NFATC2: variants seen among roughly 807,000 people sequenced by gnomAD.
NFATC2 encodes nuclear factor of activated T cells 2.
NFATC2 carries 22 observed loss-of-function variants against 87.3 expected under a neutral mutation model. That is an observed-to-expected ratio of 0.25 (90% CI 0.18 to 0.36). The LOEUF is 0.36. Ranked by LOEUF, NFATC2 falls within the 10% of genes least tolerant of loss-of-function variation. The pLI is 1.00. For missense variants in NFATC2, 1,149 were observed against 1,259.1 expected, an observed-to-expected ratio of 0.91 and a Z score of 1.32; for synonymous variants, 565 against 542.2, an observed-to-expected ratio of 1.04 and a Z score of -0.58.
At chr20:51,499,336 C>T (rs61325248) in intron 3 of NFATC2, among the ~76,000 whole-genome samples, 2,265 of 152,184 alleles carry the variant, frequency 0.015, 59 homozygotes, top group African/African-American at 0.052. Context: ...GGTTGAGCAC[C>T]CTACCCCGAG....
Position 51,393,192 on chromosome 20 carries a change from G to A in NFATC2, c.*45-1741C>T, listed in dbSNP as rs560198112. Reference sequence around the variant, plus strand: ...GCCACAAGCATGTACATGAGAGGTCGGATTCTGGAGCCAGCGGGGTTAGAT... The same window carrying A: ...GCCACAAGCATGTACATGAGAGGTCAGATTCTGGAGCCAGCGGGGTTAGAT... On this transcript the variant is annotated intron_variant, in intron 10 of 10. Transcript: ENST00000371564. Among the ~76,000 whole-genome samples the A allele has an allele frequency of 6.6e-5, 10 of 152,274 alleles. No homozygotes were observed. The South Asian group carries it at 8.3e-4, about 13-fold the overall frequency.
intron 5 of NFATC2, among the ~76,000 whole-genome samples, chr20:51,468,905 T>C (rs534113361): frequency 6.6e-6 from 1 of 152,248 alleles, no homozygotes; most frequent in South Asian, 2.1e-4. Flanking sequence ...GGGCTCCAGA[T>C]ATGCACCTCT....
At chr20:51,442,268 C>T (rs190255791) in intron 6 of NFATC2, among the ~76,000 whole-genome samples, 2 of 152,182 alleles carry the variant, frequency 1.3e-5, no homozygotes, top group South Asian at 2.1e-4. Context: ...CCCGTCTCTA[C>T]TAAAAATACA....
rs375172598 is a variant in NFATC2 at position 51,540,647 on chromosome 20, G to GTTTTTTTTT, written c.130+1714_130+1722dup. Among the ~76,000 whole-genome samples, 82 of 112,890 alleles carry GTTTTTTTTT rather than the reference G, an allele frequency of 7.3e-4. 7 individuals are homozygous for GTTTTTTTTT. The highest frequency in any genetic ancestry group is 2.9e-3 in the African/African-American group (67 of 22,830). 74.1% of individuals were successfully genotyped at this position (112,890 alleles called of 152,430 possible). A position where few individuals can be genotyped will look rare whatever the true frequency, so the allele number is the denominator to read the frequency against. On this transcript the variant is annotated intron_variant, in intron 1 of 10. Transcript: ENST00000371564. ...ATCTGAAACTGTTCCAAAAACTGAA[G>GTTTTTTTTT]TTTTTTTTTTGTTTTTTTTTTTTTG...
chr20:51,556,083 C>T (rs368054561), intron 1 of NFATC2, among the ~76,000 whole-genome samples: 2 of 152,230 alleles, frequency 1.3e-5, no homozygotes, highest in East Asian at 1.9e-4. Context: ...GGAAGAAGGT[C>T]ACATGAAGAC....
At chr20:51,522,419 C>A (rs1311576646) in intron 2 of NFATC2, among the ~76,000 whole-genome samples, 2 of 152,136 alleles carry the variant, frequency 1.3e-5, no homozygotes, top group Non-Finnish European at 2.9e-5. Flanking sequence ...AGCAGAAAGG[C>A]AGCAGCAGAG....
At chr20:51,407,806 C>T (rs1978561170) in intron 9 of NFATC2, among the ~76,000 whole-genome samples, 1 of 152,242 alleles carries the variant, frequency 6.6e-6, no homozygotes, top group African/African-American at 2.4e-5. Context: ...CCTTCACTTT[C>T]CACTCGGTCC....
At position 51,523,250 on chromosome 20, in the gene NFATC2, G is replaced by A. The variant is rs763091241; in HGVS notation, c.991C>T (p.Pro331Ser). 6.2e-7 allele frequency: 1 copy of A among 1,613,634 alleles called. No individual in the cohort carries two copies. Reference protein sequence around the residue: ...KMWKTSPDPSPVSAAPSKAGL... With the variant: ...KMWKTSPDPSSVSAAPSKAGL... Reference sequence around the variant, plus strand: ...GCCTTGGATGGGGCGGCAGACACCGGCGAGGGGTCAGGGCTGGTCTTCCAC... The same window carrying A: ...GCCTTGGATGGGGCGGCAGACACCGACGAGGGGTCAGGGCTGGTCTTCCAC... The change falls in exon 2 of 11, where the codon CCG becomes TCG. Residue 331 changes from proline to serine, a missense_variant. Pro to Ser is a moderately conservative substitution (Grantham distance 74). This residue lies in a region of NFATC2 where 563 missense variants were observed against 585.2 expected (regional missense o/e 0.96). Transcript: ENST00000371564. This position sits in a 1 kb window ranked among gnomAD's most constrained non-coding sequence, Gnocchi z 6.9.
At chr20:51,425,656 G>T (rs1196308702) in intron 9 of NFATC2, among the ~76,000 whole-genome samples, 1 of 152,240 alleles carries the variant, frequency 6.6e-6, no homozygotes, top group African/African-American at 2.4e-5. Context: ...GGCACTGAGG[G>T]GCCCTAGTGA....
In NFATC2 at chr20:51,388,818, A is replaced by G. The variant is rs1239526700; in HGVS notation, c.*2678T>C. The stretch of plus-strand genomic sequence containing the variant: ...ATGTAGCAGTGCAAACCTTCACTCA[A>G]CTGAGATCCTTCTAACACACGTGCA... On this transcript the variant is annotated 3_prime_UTR_variant, in exon 11 of 11. Transcript: ENST00000371564. 6.6e-6 allele frequency: 1 copy of G among 152,238 alleles called. No homozygotes were observed. Among genetic ancestry groups the G allele is most frequent in the Non-Finnish European group, 1.5e-5 (1 of 68,046 alleles). The allele number at this position is 152,238 out of a possible 1,614,324, so 9.4% of individuals were successfully genotyped here. A position where few individuals can be genotyped will look rare whatever the true frequency, so the allele number is the denominator to read the frequency against.
chr20:51,549,096 G>A (rs2076911997), intron 1 of NFATC2, among the ~76,000 whole-genome samples: 1 of 152,084 alleles, frequency 6.6e-6, no homozygotes, highest in East Asian at 1.9e-4. Context: ...AGTCTGAGAC[G>A]GCAATGTGTG....
At chr20:51,396,931 T>C (rs1172023232) in intron 10 of NFATC2, among the ~76,000 whole-genome samples, 1 of 152,146 alleles carries the variant, frequency 6.6e-6, no homozygotes, top group Non-Finnish European at 1.5e-5. Flanking sequence ...CTGTGCCTTT[T>C]TTTTTGAGTC....
At chr20:51,429,946 C>T (rs146374235) in intron 9 of NFATC2, among the ~76,000 whole-genome samples, 281 of 151,904 alleles carry the variant, frequency 1.8e-3, no homozygotes, top group African/African-American at 6.6e-3. Context: ...AACCTGCCTG[C>T]GTTGAGAAAG....
chr20:51,454,700 A>G lies in NFATC2; in HGVS notation c.1709-12T>C. ...AGCAGATCGCTGGGCTGCAGGCAAA[A>G]GAGAGAGAAGTCACTGTGATAAGGG... On this transcript the variant is annotated splice_polypyrimidine_tract_variant and intron_variant, in intron 5 of 10. Coordinates refer to ENST00000371564, the MANE Select transcript of NFATC2 (RefSeq NM_012340.5). The G allele has an allele frequency of 6.2e-7, 1 of 1,613,392 alleles. No individual in the cohort carries two copies. Among genetic ancestry groups the G allele is most frequent in the Non-Finnish European group, 8.5e-7 (1 of 1,179,706 alleles).
chr20:51,472,596 T>C (rs902869583), intron 5 of NFATC2, among the ~76,000 whole-genome samples: 1 of 151,930 alleles, frequency 6.6e-6, no homozygotes, highest in Non-Finnish European at 1.5e-5. Context: ...AGTTTTTGTT[T>C]CTGGAACAAT....
chr20:51,475,757 A>C, intron 3 of NFATC2, 97 bp from the exon 4 acceptor site: 1 of 1,145,774 alleles, frequency 8.7e-7, no homozygotes, highest in Non-Finnish European at 1.2e-6. Flanking sequence ...CAGTAGAGAG[A>C]CTATGGGATT....
At chr20:51,463,991 C>A (rs1382653326) in intron 5 of NFATC2, among the ~76,000 whole-genome samples, 1 of 151,670 alleles carries the variant, frequency 6.6e-6, no homozygotes, top group Non-Finnish European at 1.5e-5. Flanking sequence ...CAAAAAAAAA[C>A]AACTTTCCTC....
At chr20:51,518,874 C>T (rs917240615) in intron 2 of NFATC2, among the ~76,000 whole-genome samples, 1 of 152,098 alleles carries the variant, frequency 6.6e-6, no homozygotes, top group Non-Finnish European at 1.5e-5. Context: ...AATCATAGCT[C>T]ACTGTAGCCT....
At position 51,432,218 on chromosome 20, in the gene NFATC2, C is replaced by A. The variant is rs372957875; in HGVS notation, c.2571G>T (p.Pro857=). The A allele has an allele frequency of 6.2e-7, 1 of 1,613,700 alleles. No individual in the cohort carries two copies. Among genetic ancestry groups the A allele is most frequent in the Non-Finnish European group, 8.5e-7 (1 of 1,179,740 alleles). The stretch of plus-strand genomic sequence containing the variant: ...GCTGAATGACTGTGGGGTAGGAACC[C>A]GGGCTCAGCCTCTGACCTTGACTGA... The part of the protein sequence containing the change: ...PPVSQGQRLS[P]GSYPTVIQQQ... Residue 857 remains proline (P), a synonymous_variant, in exon 9 of 11, where the codon CCG becomes CCT. Coordinates refer to ENST00000371564, the MANE Select transcript of NFATC2 (RefSeq NM_012340.5). The surrounding 1 kb of genome is among the most constrained non-coding windows in gnomAD (Gnocchi z 4.6).
Sources: allele counts gnomAD v4.1 joint callset (sites outside exome capture counted in the v4.1 genomes callset), GRCh38; gene constraint gnomAD v4.1.1; regional missense constraint gnomAD v4.1.1; non-coding constraint Gnocchi (gnomAD v3.1); transcripts MANE v1.5; gene names NCBI Gene and HGNC (gene_info 2026-07-23, HGNC 2026-07-21).